The following DLG2 variants were observed in gnomAD, a reference collection of about 807,000 sequenced individuals.
DLG2 encodes the protein discs large MAGUK scaffold protein 2.
A neutral mutation model predicts 132.5 loss-of-function variants in DLG2; 45 were observed. The ratio of observed to expected loss-of-function variants is 0.34; its 90% CI spans 0.27 to 0.44. The LOEUF (loss-of-function observed/expected upper bound fraction) is 0.44, where lower values mean the gene tolerates loss of function less well. Ranked by LOEUF, DLG2 falls within the 20% of genes least tolerant of loss-of-function variation. DLG2 has a pLI of 1.00. For missense variants in DLG2, 1,045 were observed against 1,196.9 expected (o/e 0.87, Z 1.87); for synonymous variants, 424 against 419.6 (o/e 1.01, Z -0.13).
chr11:84,841,008 T>C (rs1354140015), intron 6 of DLG2, among the ~76,000 whole-genome samples: 1 of 137,376 alleles, frequency 7.3e-6, no homozygotes, highest in Non-Finnish European at 1.6e-5. Context: ...AAAAAAATAG[T>C]AAAAAAAAAA....
Position 84,534,675 on chromosome 11 carries a change from G to T in DLG2, c.414C>A (p.Thr138=), listed in dbSNP as rs1039705019. 7 of 1,613,738 alleles carry T rather than the reference G, an allele frequency of 4.3e-6. No individual in the cohort carries two copies. Among genetic ancestry groups the T allele is most frequent in the African/African-American group, 1.3e-5 (1 of 74,840 alleles). Reference sequence around the variant, plus strand: ...CGAGTTCTGGGCCTCTTACTTCGTGGGTTAGTCGAGGTAAGGAATGATCAT... The same window carrying T: ...CGAGTTCTGGGCCTCTTACTTCGTGTGTTAGTCGAGGTAAGGAATGATCAT... ...APHDHSLPRL[T]HEVRGPELVH... The change falls in exon 7 of 28, where the codon ACC becomes ACA. Residue 138 remains threonine, a synonymous_variant. Coordinates refer to ENST00000376104, the MANE Select transcript of DLG2 (RefSeq NM_001142699.3).
intron 18 of DLG2, among the ~76,000 whole-genome samples, chr11:83,731,601 T>C (rs942678220): frequency 7.2e-5 from 11 of 152,216 alleles, no homozygotes; most frequent in Non-Finnish European, 1.2e-4. Context: ...TAAACACACA[T>C]GTGCATATGT....
intron 18 of DLG2, among the ~76,000 whole-genome samples, chr11:83,699,133 G>A (rs1020744427): frequency 6.6e-5 from 10 of 152,018 alleles, no homozygotes; most frequent in Admixed American, 5.2e-4. Flanking sequence ...CGTCTAAAGG[G>A]CCCCAATAAA....
At position 83,743,898 on chromosome 11, in the gene DLG2, G is replaced by A. The variant is rs527860028; in HGVS notation, c.1825+42792C>T. Among the ~76,000 whole-genome samples the A allele has an allele frequency of 1.8e-4, 27 of 152,238 alleles. No homozygotes were observed. The East Asian group carries it at 5.0e-3, about 28-fold the overall frequency. ...GGTTGGCTATATTTATTACGTACTG[G>A]GTATGTCAATGGGTCTTCAGCATCT... On this transcript the variant is annotated intron_variant, in intron 18 of 27. Transcript: ENST00000376104.
chr11:84,601,360 C>T (rs2099576209), intron 6 of DLG2, among the ~76,000 whole-genome samples: 1 of 152,118 alleles, frequency 6.6e-6, no homozygotes, highest in African/African-American at 2.4e-5. Context: ...CCCGTGGAAA[C>T]TACAATTGTG....
At chr11:84,026,243 C>A (rs973037070) in intron 11 of DLG2, among the ~76,000 whole-genome samples, 36 of 152,064 alleles carry the variant, frequency 2.4e-4, no homozygotes, top group African/African-American at 8.5e-4. Flanking sequence ...AGGCTTTTAC[C>A]TCCCACTGAA....
intron 6 of DLG2, among the ~76,000 whole-genome samples, chr11:84,897,344 T>C (rs550100774): frequency 6.6e-6 from 1 of 151,938 alleles, no homozygotes; most frequent in Admixed American, 6.6e-5. Context: ...TTATGTTGTT[T>C]CTAGTTTTTG....
intron 3 of DLG2, among the ~76,000 whole-genome samples, chr11:85,296,583 C>T (rs2079233719): frequency 6.6e-6 from 1 of 150,812 alleles, no homozygotes; most frequent in Non-Finnish European, 1.5e-5. Flanking sequence ...AGCTTAGTCC[C>T]CTCTTATGTA....
chr11:84,539,268 G>A (rs1300806300), intron 6 of DLG2, among the ~76,000 whole-genome samples: 5 of 152,212 alleles, frequency 3.3e-5, no homozygotes, highest in Non-Finnish European at 7.3e-5. Flanking sequence ...TAGAGAAAGA[G>A]CACTTAGTCT....
chr11:84,703,691 C>T (rs1374844728), intron 6 of DLG2, among the ~76,000 whole-genome samples: 1 of 150,998 alleles, frequency 6.6e-6, no homozygotes, highest in East Asian at 2.0e-4. Flanking sequence ...TAACAATGAA[C>T]ATAAGCAAAC....
intron 4 of DLG2, among the ~76,000 whole-genome samples, chr11:85,280,186 G>A (rs1433347571): frequency 1.3e-5 from 2 of 151,938 alleles, no homozygotes. Flanking sequence ...AAGATAGTGA[G>A]TGAGACTCAG....
At chr11:83,906,100 T>TA (rs2074735499) in intron 15 of DLG2, among the ~76,000 whole-genome samples, 1 of 73,444 alleles carries the variant, frequency 1.4e-5, no homozygotes, top group South Asian at 5.2e-4. Flanking sequence ...TATATATATA[T>TA]ATATACATAT....
chr11:84,381,820 C>G (rs1282982587), intron 7 of DLG2, among the ~76,000 whole-genome samples: 1 of 152,132 alleles, frequency 6.6e-6, no homozygotes, highest in Non-Finnish European at 1.5e-5. Context: ...ATGGAAAAAG[C>G]AGCTGCTGCT....
At chr11:83,478,505 G>A (rs190749768) in intron 22 of DLG2, among the ~76,000 whole-genome samples, 84 of 152,086 alleles carry the variant, frequency 5.5e-4, no homozygotes, top group African/African-American at 1.9e-3. Context: ...AATTATTGAT[G>A]TCATCTTAGA....
chr11:83,571,157 T>C (rs2096789474), intron 19 of DLG2, among the ~76,000 whole-genome samples: 2 of 152,152 alleles, frequency 1.3e-5, no homozygotes, highest in Non-Finnish European at 2.9e-5. Context: ...GCTGGGCTTA[T>C]AGGCGTGAGC....
chr11:85,225,384 T>C (rs1228137016), intron 4 of DLG2, among the ~76,000 whole-genome samples: 3 of 152,042 alleles, frequency 2.0e-5, no homozygotes, highest in African/African-American at 4.8e-5. Context: ...GTCAAGAAAA[T>C]AGAGGTCATA....
chr11:84,114,374 C>T (rs1758270149), intron 9 of DLG2, among the ~76,000 whole-genome samples: 1 of 152,032 alleles, frequency 6.6e-6, no homozygotes, highest in Admixed American at 6.6e-5. Context: ...TTATTTACAC[C>T]AAGGGCTCTA....
At position 84,163,476 on chromosome 11, in the gene DLG2, T is replaced by G; in HGVS notation, c.609A>C (p.Glu203Asp). Residue 203 changes from glutamate (E) to aspartate (D), a missense_variant, in exon 9 of 28, where the codon GAA (glutamate) becomes GAC (aspartate). Glu to Asp is a conservative substitution (Grantham distance 45). Coordinates refer to ENST00000376104, the MANE Select transcript of DLG2 (RefSeq NM_001142699.3). ...NGTEIEYEFE[E>D]ITLERGNSGL... ...TTTTTCTTACCCTCTCCAGTGTAATTTCTTCAAATTCATATTCAATTTCTG... is the reference window on the plus strand; with the variant it reads ...TTTTTCTTACCCTCTCCAGTGTAATGTCTTCAAATTCATATTCAATTTCTG... 6.2e-7 allele frequency: 1 copy of G among 1,607,302 alleles called. No homozygotes were observed. Among genetic ancestry groups the G allele is most frequent in the Non-Finnish European group, 8.5e-7 (1 of 1,177,594 alleles).
chr11:84,484,433 G>A (rs1212400910), intron 7 of DLG2, among the ~76,000 whole-genome samples: 1 of 152,088 alleles, frequency 6.6e-6, no homozygotes, highest in Admixed American at 6.6e-5. Context: ...CTGAGATTTT[G>A]TGGTTATCTG....
Sources: gnomAD v4.1 joint callset for allele counts (sites outside exome capture counted in the v4.1 genomes callset) on GRCh38, gnomAD v4.1.1 for gene constraint, MANE v1.5 for transcripts, NCBI Gene and HGNC (gene_info 2026-07-23, HGNC 2026-07-21) for gene names.